Variants in DAPK2 observed in about 807,000 individuals in gnomAD.
The protein encoded by DAPK2 is death associated protein kinase 2.
DAPK2 carries 35 observed loss-of-function variants against 44.1 expected under a neutral mutation model. The observed-to-expected ratio is 0.79, with a 90% confidence interval of 0.61 to 1.05. The LOEUF is 1.05. Among genes scored for constraint, DAPK2 ranks in the 50% least tolerant of loss-of-function variants. The probability of loss-of-function intolerance (pLI) is 0.00; values close to 1 mark genes in which losing one functional copy is unlikely to be tolerated. For missense variants in DAPK2, 453 were observed against 483.2 expected (o/e 0.94, Z 0.59); for synonymous variants, 174 against 182.6 (o/e 0.95, Z 0.38).
intron 1 of DAPK2, among the ~76,000 whole-genome samples, chr15:64,037,255 T>C (rs2080236279): frequency 6.6e-6 from 1 of 152,210 alleles, no homozygotes; most frequent in South Asian, 2.1e-4. Context: ...AAGGCCACAC[T>C]GGCCTCCTGC....
At chr15:64,004,961 A>G (rs911414472) in intron 1 of DAPK2, among the ~76,000 whole-genome samples, 4 of 152,194 alleles carry the variant, frequency 2.6e-5, no homozygotes, top group African/African-American at 9.7e-5. Flanking sequence ...GAAGGTTTTC[A>G]TGAGCTTTCA....
chr15:63,944,509 G>T (rs2077399826), intron 3 of DAPK2, among the ~76,000 whole-genome samples: 1 of 152,172 alleles, frequency 6.6e-6, no homozygotes, highest in African/African-American at 2.4e-5. Context: ...AGAGGGTAGG[G>T]ACTAACATTT....
chr15:63,983,819 T>A, intron 1 of DAPK2, 65 bp from the exon 3 acceptor site: 1 of 1,460,844 alleles, frequency 6.8e-7, no homozygotes, highest in Non-Finnish European at 9.4e-7. Context: ...GACCCCACTG[T>A]CAGCTACCAG....
At chr15:64,033,884 C>T (rs2080100482) in intron 1 of DAPK2, among the ~76,000 whole-genome samples, 1 of 150,752 alleles carries the variant, frequency 6.6e-6, no homozygotes, top group African/African-American at 2.4e-5. Context: ...CACTGCACTC[C>T]AGCCTGGGCG....
At position 63,922,581 on chromosome 15, in the gene DAPK2, C is replaced by T. The variant is rs577868933; in HGVS notation, c.858+2235G>A. 7.8e-6 allele frequency: 11 copies of T among 1,413,810 alleles called. No homozygotes were observed. In the African/African-American group the frequency reaches 8.6e-5, roughly 11 times the overall value. 87.6% of individuals were successfully genotyped at this position (1,413,810 alleles called of 1,614,324 possible). On this transcript the variant is annotated intron_variant, in intron 8 of 10. Coordinates refer to ENST00000261891, the Ensembl canonical transcript of DAPK2. Reference sequence around the variant, plus strand: ...AGGTGCAGAATGAAGAATTAACTGGCACCTCAGCAATTCTGGATTCTGTGG... The same window carrying T: ...AGGTGCAGAATGAAGAATTAACTGGTACCTCAGCAATTCTGGATTCTGTGG...
chr15:63,960,060 A>G (rs1350455997), intron 3 of DAPK2, among the ~76,000 whole-genome samples: 1 of 152,170 alleles, frequency 6.6e-6, no homozygotes, highest in Non-Finnish European at 1.5e-5. Flanking sequence ...CAGGGATTCA[A>G]CTTCTTCCTG....
chr15:64,024,973 G>C (rs2079797857), intron 1 of DAPK2, among the ~76,000 whole-genome samples: 1 of 152,166 alleles, frequency 6.6e-6, no homozygotes, highest in African/African-American at 2.4e-5. Context: ...GGTGAGCAGG[G>C]AGGCAGTGCC....
chr15:63,965,020 T>C (rs1243976827), intron 3 of DAPK2, among the ~76,000 whole-genome samples: 1 of 152,224 alleles, frequency 6.6e-6, no homozygotes, highest in Non-Finnish European at 1.5e-5. Flanking sequence ...CGTTTATTGA[T>C]GTCTGGCCAT....
chr15:63,908,596 T>G lies in DAPK2; in HGVS notation c.1037A>C (p.Asn346Thr). ...GTCCTCCTCAGTGTCACTCTCACAG[T>G]TCCTCTGGAGAAAAAAAAGAGAAAG... Residue 346 changes from asparagine (N) to threonine (T), a missense_variant, in exon 11 of 11, where the codon AAC becomes ACC. Transcript: ENST00000261891. The surrounding 1 kb of genome is among the most constrained non-coding windows in gnomAD (Gnocchi z 5.7). The G allele has an allele frequency of 6.3e-7, 1 of 1,596,432 alleles. No homozygotes were observed. Among genetic ancestry groups the G allele is most frequent in the Non-Finnish European group, 8.5e-7 (1 of 1,173,212 alleles).
In DAPK2 at chr15:63,943,873, C is replaced by A. The variant is rs190090633; in HGVS notation, c.454-4512G>T. Among the ~76,000 whole-genome samples the A allele has an allele frequency of 3.0e-4, 46 of 151,678 alleles. No individual in the cohort carries two copies. The East Asian group carries it at 7.7e-3, about 25-fold the overall frequency. On this transcript the variant is annotated intron_variant, in intron 3 of 10. Coordinates refer to ENST00000261891, the Ensembl canonical transcript of DAPK2. ...TCTGGGTGACAGAGAGGGACTCTGT[C>A]TCAAAAAAAACAAAACAAAAAAAAT...
chr15:64,013,631 G>C lies in DAPK2; in HGVS notation c.92+26539C>G, dbSNP rs1178714533. Among the ~76,000 whole-genome samples the C allele has an allele frequency of 6.6e-6, 1 of 152,236 alleles. No individual in the cohort carries two copies. Among genetic ancestry groups the C allele is most frequent in the African/African-American group, 2.4e-5 (1 of 41,470 alleles). The stretch of plus-strand genomic sequence containing the variant: ...TTGCCAGAGAAGGAACTGAGCGCCA[G>C]ATAAGAATGCATTCCTTCTAAAATG... On this transcript the variant is annotated intron_variant, in intron 1 of 10. Transcript: ENST00000261891. This position sits in a 1 kb window ranked among gnomAD's most constrained non-coding sequence, Gnocchi z 4.7.
intron 3 of DAPK2, among the ~76,000 whole-genome samples, chr15:63,950,667 G>A (rs2077563123): frequency 6.6e-6 from 1 of 152,146 alleles, no homozygotes; most frequent in African/African-American, 2.4e-5. Flanking sequence ...TTAGAATCTG[G>A]TAAAATAAAA....
At chr15:63,983,247 C>A (rs1376711159) in intron 2 of DAPK2, among the ~76,000 whole-genome samples, 1 of 152,200 alleles carries the variant, frequency 6.6e-6, no homozygotes, top group East Asian at 1.9e-4. Context: ...GTCATTTCTT[C>A]CCTTTGATCT....
At chr15:64,028,323 T>C (rs2079912809) in intron 1 of DAPK2, among the ~76,000 whole-genome samples, 1 of 152,236 alleles carries the variant, frequency 6.6e-6, no homozygotes, top group South Asian at 2.1e-4. Context: ...CCTCCCAAAG[T>C]GCTGGGATTT....
chr15:63,962,256 A>C (rs1329436417), intron 3 of DAPK2, among the ~76,000 whole-genome samples: 1 of 152,012 alleles, frequency 6.6e-6, no homozygotes, highest in Non-Finnish European at 1.5e-5. Context: ...ATCTTTTTTC[A>C]AGGTTTTTAG....
intron 3 of DAPK2, among the ~76,000 whole-genome samples, chr15:63,945,856 G>T (rs776693124): frequency 6.6e-6 from 1 of 152,186 alleles, no homozygotes; most frequent in East Asian, 1.9e-4. Flanking sequence ...AAGGCAGGAC[G>T]TGTAAAGGCG....
chr15:63,911,934 C>A (rs140149939), exon 10 of DAPK2: 1 of 1,613,926 alleles, frequency 6.2e-7, no homozygotes, highest in South Asian at 1.1e-5. Context: ...CTCAGGTGCA[C>A]CTTCTTCATC....
rs139984813 is a variant in DAPK2, at chr15:63,936,521, G to C, written c.583+2711C>G. Among the ~76,000 whole-genome samples the C allele has an allele frequency of 9.2e-5, 14 of 152,284 alleles. No individual in the cohort carries two copies. The East Asian group carries it at 2.7e-3, about 29-fold the overall frequency. ...AGCTACTAGGGAGGCTGAGGCACAA[G>C]AATCACTTGAACCCAGGAGGCGGAG... On this transcript the variant is annotated intron_variant, in intron 4 of 10. Coordinates refer to ENST00000261891, the Ensembl canonical transcript of DAPK2.
Position 63,908,822 on chromosome 15 carries a change from A to AT in DAPK2, c.1033-223dup, listed in dbSNP as rs2078710939. The AT allele has an allele frequency of 2.5e-6, 1 of 394,404 alleles. No individual in the cohort carries two copies. The highest frequency in any genetic ancestry group is 5.3e-5 in the South Asian group (1 of 18,740). The allele number at this position is 394,404 out of a possible 1,614,324, so 24.4% of individuals were successfully genotyped here. A position where few individuals can be genotyped will look rare whatever the true frequency, so the allele number is the denominator to read the frequency against. On this transcript the variant is annotated intron_variant, in intron 10 of 10. Transcript: ENST00000261891. The surrounding 1 kb of genome is among the most constrained non-coding windows in gnomAD (Gnocchi z 5.7). ...CTTGGAGGAAGGAAAGCAGCAGGGCATCTAAGGGAAACCAGACATCAGGAG... is the reference window on the plus strand; with the variant it reads ...CTTGGAGGAAGGAAAGCAGCAGGGCATTCTAAGGGAAACCAGACATCAGGAG...
Sources: gnomAD v4.1 joint callset for allele counts (sites outside exome capture counted in the v4.1 genomes callset) on GRCh38, gnomAD v4.1.1 for gene constraint, Gnocchi (gnomAD v3.1) non-coding constraint, MANE v1.5 for transcripts, NCBI Gene and HGNC (gene_info 2026-07-23, HGNC 2026-07-21) for gene names.